UNC5D: variants seen among roughly 807,000 people sequenced by gnomAD.
The protein encoded by UNC5D is netrin receptor UNC5D.
A neutral mutation model predicts 105.4 loss-of-function variants in UNC5D; 39 were observed. The observed-to-expected ratio is 0.37, with a 90% CI of 0.29 to 0.48. The LOEUF is 0.48. UNC5D is among the 20% of genes least tolerant of loss of function. The probability of loss-of-function intolerance (pLI) is 0.98; values close to 1 mark genes in which losing one functional copy is unlikely to be tolerated. For synonymous variants in UNC5D, 452 were observed against 450.4 expected (o/e 1.00, Z -0.04); for missense variants, 991 against 1,202.4 (o/e 0.82, Z 2.60).
rs575346537 is a variant in UNC5D, at chr8:35,460,686, T to C, written c.104-88606T>C. Among the ~76,000 whole-genome samples the C allele has an allele frequency of 2.0e-5, 3 of 152,370 alleles. No homozygotes were observed. In the South Asian group the frequency reaches 6.2e-4, roughly 32 times the overall value. On this transcript the variant is annotated intron_variant, in intron 1 of 16. Coordinates refer to ENST00000404895, the MANE Select transcript of UNC5D (RefSeq NM_080872.4). ...CAGAGTTCTTTAAAGATCTGCAAGC[T>C]GCTTGAAGCCTTTGCACGCATGTTG...
At chr8:35,490,803 A>C (rs542975398) in intron 1 of UNC5D, among the ~76,000 whole-genome samples, 2 of 152,270 alleles carry the variant, frequency 1.3e-5, no homozygotes, top group African/African-American at 4.8e-5. Flanking sequence ...GCTGTTTGTT[A>C]TTTCATCAAA....
chr8:35,621,226 G>A (rs929579084), intron 4 of UNC5D, among the ~76,000 whole-genome samples: 1 of 152,122 alleles, frequency 6.6e-6, no homozygotes, highest in Non-Finnish European at 1.5e-5. Flanking sequence ...CATATAGCAG[G>A]TGCTTAATAA....
intron 1 of UNC5D, among the ~76,000 whole-genome samples, chr8:35,453,561 T>C (rs1299390140): frequency 6.6e-6 from 1 of 152,196 alleles, no homozygotes; most frequent in Non-Finnish European, 1.5e-5. Flanking sequence ...AATAATTTTG[T>C]TTCCTTCACA....
In UNC5D at chr8:35,403,273, G is replaced by A. The variant is rs150389365; in HGVS notation, c.104-146019G>A. Among the ~76,000 whole-genome samples the A allele has an allele frequency of 1.1e-3, 170 of 152,314 alleles. 2 individuals carry two copies. Among genetic ancestry groups the A allele is most frequent in the African/African-American group, 4.0e-3 (165 of 41,576 alleles). On this transcript the variant is annotated intron_variant, in intron 1 of 16. Coordinates refer to ENST00000404895, the MANE Select transcript of UNC5D (RefSeq NM_080872.4). Reference sequence around the variant, plus strand: ...TTCAGGGCACCTCCTTAGCAAAACTGCTGTGTGTTAACACCTTTGTGTTGC... The same window carrying A: ...TTCAGGGCACCTCCTTAGCAAAACTACTGTGTGTTAACACCTTTGTGTTGC...
chr8:35,308,000 G>A (rs1163095298), intron 1 of UNC5D, among the ~76,000 whole-genome samples: 1 of 151,950 alleles, frequency 6.6e-6, no homozygotes. Flanking sequence ...TGCTATAGAG[G>A]CAACTTTTTC....
intron 1 of UNC5D, among the ~76,000 whole-genome samples, chr8:35,265,445 A>G (rs1804795078): frequency 6.6e-6 from 1 of 152,198 alleles, no homozygotes; most frequent in Non-Finnish European, 1.5e-5. Flanking sequence ...TAGACAATCC[A>G]TTAATGAATG....
At chr8:35,478,855 C>T (rs955967015) in intron 1 of UNC5D, among the ~76,000 whole-genome samples, 3 of 152,094 alleles carry the variant, frequency 2.0e-5, no homozygotes, top group Admixed American at 6.6e-5. Flanking sequence ...AGTTGAATTA[C>T]ACTGCAGCTC....
At chr8:35,720,023 A>G (rs1331730474) in intron 8 of UNC5D, among the ~76,000 whole-genome samples, 2 of 152,250 alleles carry the variant, frequency 1.3e-5, no homozygotes, top group Non-Finnish European at 2.9e-5. Context: ...CTGCAGGCAT[A>G]CATAGGGTTA....
chr8:35,310,899 A>T (rs1303982884), intron 1 of UNC5D, among the ~76,000 whole-genome samples: 1 of 152,202 alleles, frequency 6.6e-6, no homozygotes, highest in East Asian at 1.9e-4. Context: ...AGTTGGGTCC[A>T]TATGATGGAT....
At chr8:35,427,528 T>C (rs1338396871) in intron 1 of UNC5D, among the ~76,000 whole-genome samples, 1 of 152,196 alleles carries the variant, frequency 6.6e-6, no homozygotes, top group Admixed American at 6.5e-5. Flanking sequence ...TTGTCCATCA[T>C]CAGGCCTGAG....
chr8:35,365,591 CAAAAAA>C (rs10715369), intron 1 of UNC5D, among the ~76,000 whole-genome samples: 889 of 49,894 alleles, frequency 0.018, 16 homozygotes, highest in African/African-American at 0.068. Flanking sequence ...CCATCCCCTG[CAAAAAA>C]AAAAAAAAAA....
chr8:35,398,043 G>C (rs1804212745), intron 1 of UNC5D, among the ~76,000 whole-genome samples: 1 of 152,158 alleles, frequency 6.6e-6, no homozygotes, highest in Non-Finnish European at 1.5e-5. Flanking sequence ...TTCAGGGTTT[G>C]AACAAACTAA....
At chr8:35,415,015 T>C (rs1805441651) in intron 1 of UNC5D, among the ~76,000 whole-genome samples, 1 of 152,138 alleles carries the variant, frequency 6.6e-6, no homozygotes, top group African/African-American at 2.4e-5. Context: ...TTAAGGTACC[T>C]GTGGGTAGAC....
At chr8:35,511,290 T>C (rs1812681293) in intron 1 of UNC5D, among the ~76,000 whole-genome samples, 1 of 152,046 alleles carries the variant, frequency 6.6e-6, no homozygotes, top group Non-Finnish European at 1.5e-5. Flanking sequence ...TATAAAATCA[T>C]GTTAATAATT....
At chr8:35,273,370 G>A (rs1335433900) in intron 1 of UNC5D, among the ~76,000 whole-genome samples, 1 of 152,194 alleles carries the variant, frequency 6.6e-6, no homozygotes, top group Non-Finnish European at 1.5e-5. Flanking sequence ...AAATAGATAG[G>A]TGTTTCAAGA....
At chr8:35,340,000 T>C (rs536924720) in intron 1 of UNC5D, among the ~76,000 whole-genome samples, 106 of 152,320 alleles carry the variant, frequency 7.0e-4, no homozygotes, top group African/African-American at 2.4e-3. Flanking sequence ...CTCCTTTAAT[T>C]CAGAGCTAGT....
intron 14 of UNC5D, 72 bp from the exon 15 acceptor site, chr8:35,766,830 T>C (rs1419293347): frequency 8.7e-6 from 13 of 1,494,076 alleles, no homozygotes; most frequent in Non-Finnish European, 1.2e-5. Flanking sequence ...ATCATCACTA[T>C]TAAGTCTCTC....
At chr8:35,393,878 C>T (rs1468102087) in intron 1 of UNC5D, among the ~76,000 whole-genome samples, 2 of 152,144 alleles carry the variant, frequency 1.3e-5, no homozygotes, top group Non-Finnish European at 2.9e-5. Context: ...TAGTTTTACA[C>T]TTTTGTGTGG....
intron 1 of UNC5D, among the ~76,000 whole-genome samples, chr8:35,458,182 G>C (rs1309966929): frequency 6.6e-6 from 1 of 152,126 alleles, no homozygotes; most frequent in Non-Finnish European, 1.5e-5. Context: ...AGGTTGCCCA[G>C]GGCAAGCTCC....
Sources: gnomAD v4.1 joint callset for allele counts (sites outside exome capture counted in the v4.1 genomes callset) on GRCh38, gnomAD v4.1.1 for gene constraint, MANE v1.5 for transcripts, NCBI Gene and HGNC (gene_info 2026-07-23, HGNC 2026-07-21) for gene names.